XPO4: variants seen among roughly 807,000 people sequenced by gnomAD.
The protein encoded by XPO4 is exportin-4.
In XPO4, 39 loss-of-function variants were observed where a neutral mutation model predicts 143.0. That is an observed-to-expected ratio of 0.27 (90% CI 0.21 to 0.36). The LOEUF is 0.36. XPO4 is among the 10% of genes least tolerant of loss of function. The pLI, the probability that XPO4 is intolerant of heterozygous loss-of-function variation, is 1.00. For synonymous variants in XPO4, 439 were observed against 474.0 expected (o/e 0.93, Z 0.96); for missense variants, 907 against 1,348.0 (o/e 0.67, Z 5.12).
Position 20,783,527 on chromosome 13 carries a change from C to A in XPO4, c.*195G>T. ...AAGACATATATATGACAGATTGTGG[C>A]TAACACTTAACAGCAGAAGCTGATG... is the stretch of plus-strand genomic sequence containing the variant. On this transcript the variant is annotated 3_prime_UTR_variant, in exon 23 of 23. Transcript: ENST00000255305. 1.7e-6 allele frequency: 1 copy of A among 605,884 alleles called. No homozygotes were observed. The highest frequency in any genetic ancestry group is 2.9e-6 in the Non-Finnish European group (1 of 342,184). The allele number at this position is 605,884 out of a possible 1,614,324, so 37.5% of individuals were successfully genotyped here.
At position 20,783,144 on chromosome 13, in the gene XPO4, GT is replaced by G. The variant is rs1344841653; in HGVS notation, c.*577del. On this transcript the variant is annotated 3_prime_UTR_variant, in exon 23 of 23. Transcript: ENST00000255305. ...CTAGAAAGCACAAAACCTCTTAAGA[GT>G]TTTCAATGTCTCTTTCATTGATTCA... 6.6e-6 allele frequency: 1 copy of G among 152,424 alleles called. No individual in the cohort carries two copies. Among genetic ancestry groups the G allele is most frequent in the African/African-American group, 2.4e-5 (1 of 41,450 alleles). 9.4% of individuals were successfully genotyped at this position (152,424 alleles called of 1,614,324 possible). A position where few individuals can be genotyped will look rare whatever the true frequency, so the allele number is the denominator to read the frequency against.
chr13:20,858,080 A>G, intron 3 of XPO4: 1 of 607,272 alleles, frequency 1.6e-6, no homozygotes, highest in African/African-American at 2.0e-5. Flanking sequence ...CTGTGTCATG[A>G]AAGGCAAAAA....
chr13:20,828,754 G>A (rs1442779680), intron 6 of XPO4, among the ~76,000 whole-genome samples: 1 of 152,010 alleles, frequency 6.6e-6, no homozygotes, highest in Non-Finnish European at 1.5e-5. Flanking sequence ...GGCCAAAAAA[G>A]CCAAAAGAAA....
intron 4 of XPO4, chr13:20,852,839 G>A (rs2060103257): frequency 1.0e-6 from 1 of 984,452 alleles, no homozygotes; most frequent in Admixed American, 6.2e-5. Context: ...AATGCTATTT[G>A]TGTAACAGAA....
At chr13:20,866,353 G>A (rs2060245482) in intron 2 of XPO4, 2 of 985,016 alleles carry the variant, frequency 2.0e-6, no homozygotes, top group African/African-American at 3.5e-5. Flanking sequence ...CAAGTTAGAA[G>A]TGAGAAGGAA....
chr13:20,849,407 T>C (rs1290384205), intron 4 of XPO4: 2 of 984,810 alleles, frequency 2.0e-6, no homozygotes, highest in East Asian at 2.3e-4. Flanking sequence ...TGATTTAACG[T>C]ATGCCTACTG....
At chr13:20,859,591 C>T (rs866450783) in intron 3 of XPO4, among the ~76,000 whole-genome samples, 30 of 149,034 alleles carry the variant, frequency 2.0e-4, no homozygotes, top group African/African-American at 5.9e-4. Context: ...CAGACCGAGA[C>T]TCCGTCTCAA....
At chr13:20,880,399 T>C (rs1330450072) in intron 1 of XPO4, among the ~76,000 whole-genome samples, 1 of 148,448 alleles carries the variant, frequency 6.7e-6, no homozygotes, top group Non-Finnish European at 1.5e-5. Context: ...GCCATTGCAC[T>C]CCAGCCTGGG....
chr13:20,856,213 G>A (rs1371760284), intron 3 of XPO4: 5 of 483,678 alleles, frequency 1.0e-5, no homozygotes, highest in African/African-American at 4.2e-5. Flanking sequence ...TCTAACCTAC[G>A]TCTACAACTA....
intron 20 of XPO4, 22 bp downstream of exon 20, chr13:20,788,464 G>A: frequency 1.2e-6 from 2 of 1,603,408 alleles, no homozygotes; most frequent in Non-Finnish European, 1.7e-6. Flanking sequence ...ACAAGTAACA[G>A]TGATGTTCAT....
At chr13:20,825,954 T>C (rs2059779471) in intron 7 of XPO4, among the ~76,000 whole-genome samples, 1 of 152,152 alleles carries the variant, frequency 6.6e-6, no homozygotes, top group Non-Finnish European at 1.5e-5. Context: ...TTTTAAATGG[T>C]TCAATCAGAA....
intron 1 of XPO4, among the ~76,000 whole-genome samples, chr13:20,875,601 G>A (rs902865415): frequency 1.3e-5 from 2 of 151,860 alleles, no homozygotes; most frequent in African/African-American, 2.4e-5. Flanking sequence ...ATAAAGCCTC[G>A]GTTCCTTCTT....
chr13:20,807,090 G>A (rs934772014), intron 13 of XPO4, among the ~76,000 whole-genome samples: 5 of 151,980 alleles, frequency 3.3e-5, no homozygotes, highest in South Asian at 2.1e-4. Context: ...TTTTATGAAC[G>A]ATACTTGTTG....
At chr13:20,822,104 T>C in intron 8 of XPO4, 28 bp downstream of exon 8, 1 of 1,574,760 alleles carries the variant, frequency 6.4e-7, no homozygotes, top group Non-Finnish European at 8.6e-7. Flanking sequence ...GAGCTCCTTT[T>C]TCAGCTGCAA....
chr13:20,821,639 G>A (rs1566584204), intron 9 of XPO4, 65 bp downstream of exon 9: 2 of 1,512,116 alleles, frequency 1.3e-6, no homozygotes, highest in Non-Finnish European at 1.8e-6. Context: ...CATGAGAAAT[G>A]TTCCAAAGGC....
At chr13:20,852,798 T>C (rs1234528945) in intron 4 of XPO4, 48 of 985,050 alleles carry the variant, frequency 4.9e-5, no homozygotes, top group Non-Finnish European at 5.8e-5. Flanking sequence ...CTTTTCACTT[T>C]TTTTATGTAG....
intron 1 of XPO4, among the ~76,000 whole-genome samples, chr13:20,886,738 A>C (rs1228265707): frequency 6.6e-6 from 1 of 152,156 alleles, no homozygotes; most frequent in Non-Finnish European, 1.5e-5. Context: ...TTAAAAGAGA[A>C]AGCAACTACA....
chr13:20,787,510 G>A lies in XPO4; in HGVS notation c.3136C>T (p.Leu1046Phe). The A allele has an allele frequency of 1.2e-6, 2 of 1,614,250 alleles. No individual in the cohort carries two copies. The highest frequency in any genetic ancestry group is 1.1e-5 in the South Asian group (1 of 91,090). ...CAKAQETDSP[L>F]FLATRHFLKL... ...AGAAAGTGCCGTGTTGCTAGAAAAA[G>A]TGGTGAGTCTGTTTCTTGTGCTTTT... Residue 1046 changes from leucine (L) to phenylalanine (F), a missense_variant, in exon 21 of 23, where the codon CTT (leucine) becomes TTT (phenylalanine). By Grantham distance (22) the Leu-to-Phe change is conservative (BLOSUM62 0). Coordinates refer to ENST00000255305, the MANE Select transcript of XPO4 (RefSeq NM_022459.5).
intron 1 of XPO4, chr13:20,869,528 A>G: frequency 1.1e-6 from 1 of 952,310 alleles, no homozygotes; most frequent in Non-Finnish European, 1.3e-6. Context: ...TAAAGAGGGC[A>G]ACTCATAATT....
Sources: allele counts gnomAD v4.1 joint callset (sites outside exome capture counted in the v4.1 genomes callset), GRCh38; gene constraint gnomAD v4.1.1; transcripts MANE v1.5; gene names NCBI Gene and HGNC (gene_info 2026-07-23, HGNC 2026-07-21).